LHFPL3: variants seen among roughly 807,000 people sequenced by gnomAD.
LHFPL3 encodes LHFPL tetraspan subfamily member 3 protein.
In LHFPL3, 5 loss-of-function variants were observed where a neutral mutation model predicts 19.3. That is an observed-to-expected ratio of 0.26 (90% CI 0.14 to 0.54). The LOEUF is 0.54. LHFPL3 is among the 20% of genes least tolerant of loss of function. LHFPL3 has a pLI of 0.94. For synonymous variants in LHFPL3, 133 were observed against 126.2 expected (o/e 1.05, Z -0.36); for missense variants, 249 against 307.4 (o/e 0.81, Z 1.42).
At chr7:104,449,284 G>T (rs1477768912) in intron 1 of LHFPL3, among the ~76,000 whole-genome samples, 1 of 152,098 alleles carries the variant, frequency 6.6e-6, no homozygotes, top group Admixed American at 6.6e-5. Flanking sequence ...TTCCCTGAAG[G>T]ACAAAAATAG....
chr7:104,682,922 C>A (rs1431802375), intron 1 of LHFPL3, among the ~76,000 whole-genome samples: 2 of 152,158 alleles, frequency 1.3e-5, no homozygotes, highest in Non-Finnish European at 2.9e-5. Flanking sequence ...CCACTGCTAG[C>A]TTTTAGGTAT....
intron 1 of LHFPL3, among the ~76,000 whole-genome samples, chr7:104,460,382 G>A (rs1347112140): frequency 1.3e-5 from 2 of 152,034 alleles, no homozygotes; most frequent in East Asian, 3.9e-4. Context: ...GGGATTGCTG[G>A]GTCAAGTAGT....
chr7:104,458,786 C>T (rs1792601295), intron 1 of LHFPL3, among the ~76,000 whole-genome samples: 1 of 151,950 alleles, frequency 6.6e-6, no homozygotes, highest in Admixed American at 6.6e-5. Flanking sequence ...CATTCTACGC[C>T]CTTCTAGGTC....
chr7:104,846,589 T>G (rs1791317666), intron 2 of LHFPL3, among the ~76,000 whole-genome samples: 1 of 150,922 alleles, frequency 6.6e-6, no homozygotes, highest in African/African-American at 2.5e-5. Context: ...AGAAAGTAAC[T>G]TGCCCAAGAT....
chr7:104,508,881 AG>A (rs1467567303), intron 1 of LHFPL3, among the ~76,000 whole-genome samples: 1 of 152,062 alleles, frequency 6.6e-6, no homozygotes, highest in African/African-American at 2.4e-5. Flanking sequence ...TGACAAAAGT[AG>A]AGAGGAGAAA....
Position 104,440,039 on chromosome 7 carries a change from G to A in LHFPL3, c.445+110815G>A, listed in dbSNP as rs567097811. On this transcript the variant is annotated intron_variant, in intron 1 of 2. Transcript: ENST00000424859. ...ATTACTATATAATACAAAGCCTGGG[G>A]GGGGGGAGGGATAGCATTAGGAGAT... 1.3e-3 allele frequency among the ~76,000 whole-genome samples: 119 copies of A among 88,278 alleles called. 1 individual carries two copies. Among genetic ancestry groups the A allele is most frequent in the African/African-American group, 6.9e-3 (103 of 14,914 alleles). 57.9% of individuals were successfully genotyped at this position (88,278 alleles called of 152,430 possible).
At chr7:104,698,894 A>G (rs1793049953) in intron 1 of LHFPL3, among the ~76,000 whole-genome samples, 2 of 152,244 alleles carry the variant, frequency 1.3e-5, no homozygotes. Flanking sequence ...TTTAATAGAT[A>G]TTTCTCCAAA....
intron 2 of LHFPL3, among the ~76,000 whole-genome samples, chr7:104,808,719 T>C (rs1790413460): frequency 6.6e-6 from 1 of 152,128 alleles, no homozygotes; most frequent in Non-Finnish European, 1.5e-5. Flanking sequence ...CAAGCCAATG[T>C]TTATTAGATA....
intron 2 of LHFPL3, among the ~76,000 whole-genome samples, chr7:104,809,439 C>A (rs1206425142): frequency 1.3e-5 from 2 of 152,188 alleles, no homozygotes; most frequent in African/African-American, 4.8e-5. Context: ...AAGTGACCAT[C>A]CACGTTCTGC....
chr7:104,575,768 T>G (rs976633936), intron 1 of LHFPL3, among the ~76,000 whole-genome samples: 1 of 151,972 alleles, frequency 6.6e-6, no homozygotes, highest in Non-Finnish European at 1.5e-5. Context: ...CACCTCAGCC[T>G]CCCAAAGTGC....
At chr7:104,654,663 T>C (rs1584463047) in intron 1 of LHFPL3, among the ~76,000 whole-genome samples, 1 of 152,316 alleles carries the variant, frequency 6.6e-6, no homozygotes, top group East Asian at 1.9e-4. Flanking sequence ...CCAGAAATGG[T>C]TGTAGTAATA....
intron 1 of LHFPL3, among the ~76,000 whole-genome samples, chr7:104,391,437 A>G (rs1201528120): frequency 3.9e-5 from 6 of 152,236 alleles, no homozygotes; most frequent in African/African-American, 1.4e-4. Context: ...TTTATTAAAT[A>G]GGGAATCCTT....
chr7:104,838,796 CAT>C (rs1181195315), intron 2 of LHFPL3, among the ~76,000 whole-genome samples: 2 of 152,198 alleles, frequency 1.3e-5, no homozygotes, highest in Non-Finnish European at 2.9e-5. Context: ...TAAATAACCA[CAT>C]GTGTCTAGGG....
chr7:104,666,509 ATTCTT>A (rs1428093131), intron 1 of LHFPL3, among the ~76,000 whole-genome samples: 1 of 44,162 alleles, frequency 2.3e-5, no homozygotes, highest in African/African-American at 7.2e-5. Flanking sequence ...ACAGGATTTC[ATTCTT>A]TTTTTTTTTT....
chr7:104,755,109 C>T (rs1794257260), intron 2 of LHFPL3, among the ~76,000 whole-genome samples: 1 of 152,162 alleles, frequency 6.6e-6, no homozygotes, highest in South Asian at 2.1e-4. Flanking sequence ...ATTAGAACAT[C>T]TAGGCTAGAT....
chr7:104,743,650 CTGCA>C (rs1793978956), intron 2 of LHFPL3, among the ~76,000 whole-genome samples: 1 of 152,140 alleles, frequency 6.6e-6, no homozygotes. Context: ...TCATTGATCT[CTGCA>C]ATAACCCTGT....
chr7:104,862,088 C>A (rs1388328958), intron 2 of LHFPL3, among the ~76,000 whole-genome samples: 4 of 152,058 alleles, frequency 2.6e-5, no homozygotes, highest in South Asian at 2.1e-4. Flanking sequence ...TTGTTTGCAA[C>A]TATCAAGGGG....
intron 2 of LHFPL3, among the ~76,000 whole-genome samples, chr7:104,829,465 T>A (rs1031283809): frequency 2.6e-5 from 4 of 152,012 alleles, no homozygotes; most frequent in Non-Finnish European, 2.9e-5. Context: ...TATCTCCTAA[T>A]GCTATCCCTC....
intron 2 of LHFPL3, among the ~76,000 whole-genome samples, chr7:104,852,580 C>T (rs1791431824): frequency 6.6e-6 from 1 of 152,208 alleles, no homozygotes; most frequent in South Asian, 2.1e-4. Flanking sequence ...CTTACCTGTC[C>T]TTTGCTCCTG....
Sources: gnomAD v4.1 joint callset for allele counts (sites outside exome capture counted in the v4.1 genomes callset) on GRCh38, gnomAD v4.1.1 for gene constraint, MANE v1.5 for transcripts, NCBI Gene and HGNC (gene_info 2026-07-23, HGNC 2026-07-21) for gene names.